POLR3B: variants seen among roughly 807,000 people sequenced by gnomAD.
POLR3B encodes the protein RNA polymerase III subunit B.
A neutral mutation model predicts 147.4 loss-of-function variants in POLR3B; 96 were observed. That is an observed-to-expected ratio of 0.65 (90% CI 0.55 to 0.77). The LOEUF (loss-of-function observed/expected upper bound fraction) is 0.77. Among genes scored for constraint, POLR3B ranks in the 30% least tolerant of loss-of-function variants. The pLI, the probability that POLR3B is intolerant of heterozygous loss-of-function variation, is 0.00. For missense variants in POLR3B, 1,036 were observed against 1,413.5 expected (o/e 0.73, Z 4.28); for synonymous variants, 461 against 485.9 (o/e 0.95, Z 0.67).
intron 9 of POLR3B, among the ~76,000 whole-genome samples, chr12:106,384,360 G>A (rs772179548): frequency 1.7e-4 from 26 of 152,324 alleles, no homozygotes; most frequent in South Asian, 1.2e-3. Context: ...ATGTGATACA[G>A]TTAGTTGATC....
At chr12:106,428,924 A>T (rs1174265760) in intron 13 of POLR3B, among the ~76,000 whole-genome samples, 3 of 152,210 alleles carry the variant, frequency 2.0e-5, no homozygotes. Flanking sequence ...ATTTTAATGC[A>T]AACAGATCAT....
At chr12:106,488,411 T>A (rs900328696) in intron 23 of POLR3B, among the ~76,000 whole-genome samples, 3 of 152,216 alleles carry the variant, frequency 2.0e-5, no homozygotes, top group African/African-American at 7.2e-5. Context: ...GAATTTGTCT[T>A]TTGTTTATTT....
chr12:106,471,218 G>T (rs2038086364), intron 23 of POLR3B, among the ~76,000 whole-genome samples: 1 of 152,176 alleles, frequency 6.6e-6, no homozygotes, highest in Admixed American at 6.5e-5. Flanking sequence ...GTTGATCTCA[G>T]ACTGCTGCGC....
chr12:106,404,923 A>G (rs1164493192), intron 10 of POLR3B, among the ~76,000 whole-genome samples: 1 of 152,200 alleles, frequency 6.6e-6, no homozygotes, highest in Non-Finnish European at 1.5e-5. Flanking sequence ...GTTTTGAGGT[A>G]GGGGTCAAGA....
At chr12:106,379,100 C>G (rs1240915931) in intron 8 of POLR3B, among the ~76,000 whole-genome samples, 3 of 152,144 alleles carry the variant, frequency 2.0e-5, no homozygotes, top group Admixed American at 6.5e-5. Context: ...TTACTAGGAG[C>G]CAGGCAAAAT....
chr12:106,480,446 G>A (rs1188537919), intron 23 of POLR3B, among the ~76,000 whole-genome samples: 4 of 152,134 alleles, frequency 2.6e-5, no homozygotes, highest in African/African-American at 9.7e-5. Flanking sequence ...TGAGGGTGGG[G>A]CAGTGCTTAA....
intron 10 of POLR3B, among the ~76,000 whole-genome samples, chr12:106,396,411 G>T (rs528113935): frequency 3.3e-5 from 5 of 152,302 alleles, no homozygotes; most frequent in South Asian, 2.1e-4. Flanking sequence ...TAATGGGAAA[G>T]ATTTAGATTT....
intron 4 of POLR3B, among the ~76,000 whole-genome samples, chr12:106,367,090 G>A (rs1047158822): frequency 1.3e-5 from 2 of 152,034 alleles, no homozygotes; most frequent in Admixed American, 1.3e-4. Context: ...ACAGCAGAGT[G>A]AGACTCTGAC....
chr12:106,499,804 T>C (rs2038566569), intron 25 of POLR3B, among the ~76,000 whole-genome samples: 1 of 152,204 alleles, frequency 6.6e-6, no homozygotes, highest in Non-Finnish European at 1.5e-5. Flanking sequence ...CCACTCTGTG[T>C]CTTCCAAGAA....
chr12:106,482,641 G>A (rs1292346906), intron 23 of POLR3B, among the ~76,000 whole-genome samples: 1 of 152,070 alleles, frequency 6.6e-6, no homozygotes, highest in Non-Finnish European at 1.5e-5. Context: ...TCCAACACTG[G>A]GGATTTGACA....
intron 21 of POLR3B, 78 bp downstream of exon 21, chr12:106,457,374 C>CA (rs1489815992): frequency 9.0e-6 from 11 of 1,226,748 alleles, no homozygotes; most frequent in Admixed American, 1.9e-5. Context: ...GAATATTTGG[C>CA]AAAAAGGGCA....
intron 10 of POLR3B, among the ~76,000 whole-genome samples, chr12:106,405,580 A>ACACACAC (rs2037140566): frequency 8.7e-5 from 13 of 150,158 alleles, no homozygotes; most frequent in South Asian, 2.1e-4. Flanking sequence ...ACACACACAC[A>ACACACAC]AATATATTTT....
chr12:106,376,062 T>A (rs548653155), intron 6 of POLR3B, among the ~76,000 whole-genome samples: 1 of 152,300 alleles, frequency 6.6e-6, no homozygotes, highest in East Asian at 1.9e-4. Flanking sequence ...GCCAGGCTGC[T>A]CTCAAACTCC....
chr12:106,450,782 T>C (rs544623601), intron 19 of POLR3B, among the ~76,000 whole-genome samples: 2 of 152,304 alleles, frequency 1.3e-5, no homozygotes, highest in East Asian at 1.9e-4. Flanking sequence ...GAAAATTCTT[T>C]GGAATGTTCT....
At chr12:106,432,552 G>C (rs1156487971) in intron 15 of POLR3B, 72 bp downstream of exon 15, 5 of 1,235,466 alleles carry the variant, frequency 4.0e-6, no homozygotes, top group Non-Finnish European at 6.0e-6. Flanking sequence ...TTATTATCCT[G>C]GTATTTAAAG....
At chr12:106,359,152 C>T (rs1186049841) in intron 1 of POLR3B, among the ~76,000 whole-genome samples, 1 of 152,094 alleles carries the variant, frequency 6.6e-6, no homozygotes, top group Admixed American at 6.6e-5. Flanking sequence ...AAGGTCGAGG[C>T]TGCAGTGAGC....
chr12:106,409,446 C>T (rs1373042887), intron 11 of POLR3B, among the ~76,000 whole-genome samples: 2 of 130,666 alleles, frequency 1.5e-5, no homozygotes, highest in Non-Finnish European at 3.2e-5. Flanking sequence ...TACAAGATAA[C>T]AAAGTAGCTT....
At chr12:106,363,462 C>G (rs1175462174) in intron 1 of POLR3B, among the ~76,000 whole-genome samples, 1 of 152,208 alleles carries the variant, frequency 6.6e-6, no homozygotes, top group Non-Finnish European at 1.5e-5. Context: ...GAGATGAGCT[C>G]TGACCAGACA....
chr12:106,489,822 G>A (rs1019800333), intron 23 of POLR3B, among the ~76,000 whole-genome samples: 1 of 152,174 alleles, frequency 6.6e-6, no homozygotes, highest in Non-Finnish European at 1.5e-5. Context: ...CAAGTCCACA[G>A]CTTTAAACAG....
Sources: gnomAD v4.1 joint callset for allele counts (sites outside exome capture counted in the v4.1 genomes callset) on GRCh38, gnomAD v4.1.1 for gene constraint, MANE v1.5 for transcripts, NCBI Gene and HGNC (gene_info 2026-07-23, HGNC 2026-07-21) for gene names.